Variants in BRINP1 observed in about 807,000 individuals in gnomAD.
BRINP1 encodes the protein BMP/retinoic acid inducible neural specific 1.
In BRINP1, 17 loss-of-function variants were observed where a neutral mutation model predicts 72.9. The observed-to-expected ratio is 0.23, with a 90% CI of 0.16 to 0.35. The LOEUF (loss-of-function observed/expected upper bound fraction) is 0.35, where lower values mean the gene tolerates loss of function less well. BRINP1 is among the 10% of genes least tolerant of loss of function. The probability of loss-of-function intolerance (pLI) is 1.00; values close to 1 mark genes in which losing one functional copy is unlikely to be tolerated. For missense variants in BRINP1, 850 were observed against 1,001.6 expected (o/e 0.85, Z 2.04); for synonymous variants, 418 against 378.5 (o/e 1.10, Z -1.21).
At chr9:119,330,167 G>C (rs1831285353) in intron 1 of BRINP1, among the ~76,000 whole-genome samples, 1 of 152,144 alleles carries the variant, frequency 6.6e-6, no homozygotes, top group Admixed American at 6.5e-5. Flanking sequence ...CACTAGGAGT[G>C]CTCACCATTT....
chr9:119,199,765 C>A (rs1829784570), intron 7 of BRINP1, among the ~76,000 whole-genome samples: 1 of 151,328 alleles, frequency 6.6e-6, no homozygotes, highest in African/African-American at 2.4e-5. Context: ...TATCTCATTT[C>A]ATTGAATTGA....
chr9:119,314,406 C>T (rs1029256780), intron 1 of BRINP1, among the ~76,000 whole-genome samples: 2 of 152,186 alleles, frequency 1.3e-5, no homozygotes, highest in African/African-American at 4.8e-5. Flanking sequence ...CACTCTCTCA[C>T]CCAGGCTGGA....
At chr9:119,291,146 A>G (rs945428254) in intron 2 of BRINP1, among the ~76,000 whole-genome samples, 2 of 152,036 alleles carry the variant, frequency 1.3e-5, no homozygotes, top group Non-Finnish European at 2.9e-5. Context: ...AAAAATTAGA[A>G]AAAGTTGCTC....
chr9:119,346,501 C>T (rs1196417103), intron 1 of BRINP1, among the ~76,000 whole-genome samples: 2 of 152,098 alleles, frequency 1.3e-5, no homozygotes, highest in African/African-American at 2.4e-5. Flanking sequence ...ACAGTCAGGG[C>T]ATAACATCAA....
chr9:119,331,366 T>G (rs1564250265), intron 1 of BRINP1, among the ~76,000 whole-genome samples: 1 of 152,204 alleles, frequency 6.6e-6, no homozygotes, highest in Non-Finnish European at 1.5e-5. Context: ...TTTAGTTACA[T>G]AAGACAATCA....
intron 7 of BRINP1, among the ~76,000 whole-genome samples, chr9:119,168,627 C>A (rs569514223): frequency 1.3e-5 from 2 of 152,332 alleles, no homozygotes; most frequent in South Asian, 2.1e-4. Flanking sequence ...ATGAAAAAGA[C>A]CTTAGGGGTT....
chr9:119,288,226 C>T (rs1830786530), intron 2 of BRINP1, among the ~76,000 whole-genome samples: 1 of 152,208 alleles, frequency 6.6e-6, no homozygotes, highest in Non-Finnish European at 1.5e-5. Flanking sequence ...GGACATATAA[C>T]TTCAACCTCA....
intron 7 of BRINP1, among the ~76,000 whole-genome samples, chr9:119,186,623 C>T (rs1829623546): frequency 6.6e-6 from 1 of 152,134 alleles, no homozygotes. Context: ...CAGCACCTGA[C>T]CCCCAGGGAA....
intron 5 of BRINP1, among the ~76,000 whole-genome samples, chr9:119,222,868 T>C (rs1474430765): frequency 2.0e-5 from 3 of 151,948 alleles, no homozygotes; most frequent in Non-Finnish European, 4.4e-5. Flanking sequence ...AACATGAACA[T>C]GTTCTTGAAG....
At chr9:119,307,220 C>T (rs193261882) in intron 2 of BRINP1, among the ~76,000 whole-genome samples, 79 of 152,022 alleles carry the variant, frequency 5.2e-4, no homozygotes, top group African/African-American at 1.9e-3. Context: ...TGCTAAGTGT[C>T]CCCGTAGGAA....
chr9:119,325,013 T>A (rs959596833), intron 1 of BRINP1, among the ~76,000 whole-genome samples: 14 of 151,850 alleles, frequency 9.2e-5, no homozygotes, highest in African/African-American at 3.4e-4. Context: ...GGCAAGAGAA[T>A]TGCTTGAACC....
rs368401532 is a variant in BRINP1, at chr9:119,329,404, A to G, written c.-50-15999T>C. ...TAGAGTACCTTTTAAATGATGAACTAAAAGTACAGCCACAGCTGTCACTTG... is the reference window on the plus strand; with the variant it reads ...TAGAGTACCTTTTAAATGATGAACTGAAAGTACAGCCACAGCTGTCACTTG... On this transcript the variant is annotated intron_variant, in intron 1 of 7. Transcript: ENST00000265922. Among the ~76,000 whole-genome samples, 38 of 152,326 alleles carry G rather than the reference A, an allele frequency of 2.5e-4. 1 individual carries two copies. In the South Asian group the frequency reaches 7.7e-3, roughly 31 times the overall value.
intron 7 of BRINP1, among the ~76,000 whole-genome samples, chr9:119,179,106 C>A (rs1035258560): frequency 1.1e-4 from 17 of 152,132 alleles, no homozygotes; most frequent in African/African-American, 4.1e-4. Context: ...CCTTCCTCAA[C>A]CCCGGCAACA....
At chr9:119,281,721 A>G (rs1302916759) in intron 2 of BRINP1, among the ~76,000 whole-genome samples, 3 of 152,224 alleles carry the variant, frequency 2.0e-5, no homozygotes, top group Admixed American at 6.5e-5. Flanking sequence ...ACATATAAAC[A>G]TTTTTAAGCA....
intron 2 of BRINP1, among the ~76,000 whole-genome samples, chr9:119,299,563 A>G (rs1489472386): frequency 6.6e-6 from 1 of 150,994 alleles, no homozygotes; most frequent in African/African-American, 2.4e-5. Flanking sequence ...CAGTGAGCCG[A>G]GACTGCACCA....
At chr9:119,168,908 G>A (rs930896476) in intron 7 of BRINP1, among the ~76,000 whole-genome samples, 2 of 152,146 alleles carry the variant, frequency 1.3e-5, no homozygotes, top group Non-Finnish European at 2.9e-5. Flanking sequence ...TTCAACCATT[G>A]TGGAAGACAG....
At chr9:119,273,708 G>C (rs1333123868) in intron 2 of BRINP1, among the ~76,000 whole-genome samples, 2 of 152,142 alleles carry the variant, frequency 1.3e-5, no homozygotes, top group East Asian at 3.9e-4. Flanking sequence ...CTCATTAGCA[G>C]ACACAAATTG....
At chr9:119,319,157 C>T (rs1277547684) in intron 1 of BRINP1, among the ~76,000 whole-genome samples, 3 of 152,090 alleles carry the variant, frequency 2.0e-5, no homozygotes, top group African/African-American at 7.2e-5. Flanking sequence ...CTCCTTTTTA[C>T]AGATCATAAC....
intron 3 of BRINP1, among the ~76,000 whole-genome samples, chr9:119,247,378 C>T (rs956415788): frequency 6.6e-6 from 1 of 152,006 alleles, no homozygotes; most frequent in African/African-American, 2.4e-5. Context: ...GACAGCCAGG[C>T]ACGGTGGCTC....
Sources: gnomAD v4.1 joint callset for allele counts (sites outside exome capture counted in the v4.1 genomes callset) on GRCh38, gnomAD v4.1.1 for gene constraint, MANE v1.5 for transcripts, NCBI Gene and HGNC (gene_info 2026-07-23, HGNC 2026-07-21) for gene names.